DPP6: variants seen among roughly 807,000 people sequenced by gnomAD.
DPP6 encodes the protein A-type potassium channel modulatory protein DPP6.
Under a neutral mutation model 122.6 loss-of-function variants are expected in DPP6, and 69 were observed. The ratio of observed to expected loss-of-function variants is 0.56; its 90% confidence interval spans 0.46 to 0.69. The LOEUF is 0.69. Ranked by LOEUF, DPP6 falls within the 30% of genes least tolerant of loss-of-function variation. The pLI, the probability that DPP6 is intolerant of heterozygous loss-of-function variation, is 0.00. For synonymous variants in DPP6, 418 were observed against 433.1 expected, an observed-to-expected ratio of 0.97 and a Z score of 0.43; for missense variants, 928 against 1,116.9, an observed-to-expected ratio of 0.83 and a Z score of 2.41.
At chr7:154,059,029 G>T (rs7793756) in intron 1 of DPP6, 63,555 of 128,516 alleles carry the variant, frequency 0.49, 13,159 homozygotes, top group South Asian at 0.6. Flanking sequence ...CCATCGCAGA[G>T]GGGGGAGGGA....
intron 5 of DPP6, among the ~76,000 whole-genome samples, chr7:154,577,012 A>G (rs1429050752): frequency 2.0e-5 from 3 of 152,140 alleles, no homozygotes; most frequent in Non-Finnish European, 4.4e-5. Flanking sequence ...GAGTGGGGAT[A>G]TCAGAAGGTA....
At chr7:154,023,270 A>G (rs1798791218) in intron 1 of DPP6, among the ~76,000 whole-genome samples, 1 of 148,288 alleles carries the variant, frequency 6.7e-6, no homozygotes, top group Non-Finnish European at 1.5e-5. Context: ...AACCTAATGC[A>G]AGGTGAATAA....
intron 8 of DPP6, among the ~76,000 whole-genome samples, chr7:154,728,606 G>A (rs1194125132): frequency 1.3e-5 from 2 of 152,162 alleles, no homozygotes; most frequent in African/African-American, 2.4e-5. Flanking sequence ...TCCACCCTCT[G>A]TCTTAGTTTG....
chr7:154,572,216 T>G (rs1335940597), intron 5 of DPP6, among the ~76,000 whole-genome samples: 1 of 152,212 alleles, frequency 6.6e-6, no homozygotes, highest in African/African-American at 2.4e-5. Flanking sequence ...TCTAAGGGAC[T>G]GTGAAATTTA....
chr7:154,306,675 C>G (rs1014879246), intron 1 of DPP6, among the ~76,000 whole-genome samples: 8 of 152,094 alleles, frequency 5.3e-5, no homozygotes, highest in Non-Finnish European at 1.0e-4. Context: ...GCCCATTTAT[C>G]GATAAAAGGG....
intron 1 of DPP6, chr7:154,058,240 G>A (rs1361934691): frequency 6.7e-6 from 1 of 148,900 alleles, no homozygotes; most frequent in Non-Finnish European, 1.5e-5. Flanking sequence ...CCATCGCAGG[G>A]GGGGAGGCAC....
rs184864056 is a variant in DPP6, at chr7:154,878,463, C to T, written c.2078+2363C>T. On this transcript the variant is annotated intron_variant, in intron 20 of 25. Coordinates refer to ENST00000377770, the MANE Select transcript of DPP6 (RefSeq NM_130797.4). ...ACAGACTTTCTTAGGAAGCTGATGC[C>T]CAATGGCGCCAAGCCATAGAAAGCC... Among the ~76,000 whole-genome samples, 135 of 152,346 alleles carry T rather than the reference C, an allele frequency of 8.9e-4. 1 individual carries two copies. The highest frequency in any genetic ancestry group is 3.2e-3 in the African/African-American group (133 of 41,578).
At chr7:153,828,232 T>C in the DPP6 span, among the ~76,000 whole-genome samples, 1 of 152,142 alleles carries the variant, frequency 6.6e-6, no homozygotes, top group Non-Finnish European at 1.5e-5. Flanking sequence ...AAGTAATATC[T>C]TGGGTACCCA....
chr7:153,975,257 T>A (rs1382979584), intron 1 of DPP6, among the ~76,000 whole-genome samples: 3 of 151,418 alleles, frequency 2.0e-5, no homozygotes, highest in Middle Eastern at 3.2e-3. Context: ...AAAAAAATTA[T>A]TTCACTTATG....
At chr7:153,783,659 T>G in the DPP6 span, among the ~76,000 whole-genome samples, 1 of 152,208 alleles carries the variant, frequency 6.6e-6, no homozygotes, top group African/African-American at 2.4e-5. Context: ...CCAAACCCTT[T>G]TAAAATGACA....
At chr7:154,771,410 A>G (rs554679393) in intron 9 of DPP6, among the ~76,000 whole-genome samples, 3 of 152,326 alleles carry the variant, frequency 2.0e-5, no homozygotes, top group Non-Finnish European at 2.9e-5. Flanking sequence ...ATGTCTTCAC[A>G]TGAAGGGGCA....
intron 5 of DPP6, among the ~76,000 whole-genome samples, chr7:154,620,243 G>C (rs1321160583): frequency 4.6e-5 from 7 of 152,214 alleles, no homozygotes; most frequent in Non-Finnish European, 1.0e-4. Context: ...AATATGGAAA[G>C]ATTCTTTCTT....
chr7:154,877,886 G>A lies in DPP6; in HGVS notation c.2078+1786G>A, dbSNP rs1482121740. ...CAAGGGAATGCTGGGGTTCAGTGTG[G>A]AAGGAGGATGGGTGGGTGGCTGCTG... On this transcript the variant is annotated intron_variant, in intron 20 of 25. Transcript: ENST00000377770. The surrounding 1 kb of genome is among the most constrained non-coding windows in gnomAD (Gnocchi z 5.2). Among the ~76,000 whole-genome samples, 1 of 152,150 alleles carries A rather than the reference G, an allele frequency of 6.6e-6. No individual in the cohort carries two copies. The highest frequency in any genetic ancestry group is 2.4e-5 in the African/African-American group (1 of 41,440).
At chr7:153,770,835 A>G in the DPP6 span, among the ~76,000 whole-genome samples, 1 of 152,230 alleles carries the variant, frequency 6.6e-6, no homozygotes, top group Non-Finnish European at 1.5e-5. Context: ...TGTGGATAAA[A>G]TACACTTTTG....
At chr7:154,036,020 TTGTG>T (rs1162400104) in intron 1 of DPP6, among the ~76,000 whole-genome samples, 130 of 54,562 alleles carry the variant, frequency 2.4e-3, no homozygotes, top group Middle Eastern at 8.8e-3. Flanking sequence ...GCGCGCGCGC[TTGTG>T]TGTGTGTGTG....
intron 1 of DPP6, among the ~76,000 whole-genome samples, chr7:154,130,313 G>GA (rs1795203444): frequency 3.3e-5 from 5 of 152,118 alleles, no homozygotes; most frequent in Admixed American, 3.3e-4. Context: ...ATGGGACTTT[G>GA]AAAAAAACAG....
chr7:153,944,157 C>T (rs1464846179), intron 1 of DPP6, among the ~76,000 whole-genome samples: 7 of 152,316 alleles, frequency 4.6e-5, no homozygotes, highest in African/African-American at 9.6e-5. Context: ...CTCGTTAGCA[C>T]GCTCCTTCCA....
rs923623868 is a variant in DPP6, at chr7:154,892,723, C to T, written c.*243C>T. On this transcript the variant is annotated 3_prime_UTR_variant, in exon 26 of 26. Transcript: ENST00000377770. ...TCCCCGCAGCAGCGCCTCCTCCCGG[C>T]GCCCGAGAGACCGGCACGCCACGGC... The T allele has an allele frequency of 6.0e-6, 5 of 826,954 alleles. No homozygotes were observed. Among genetic ancestry groups the T allele is most frequent in the Non-Finnish European group, 8.1e-6 (4 of 495,882 alleles). The allele number at this position is 826,954 out of a possible 1,614,324, so 51.2% of individuals were successfully genotyped here. A position where few individuals can be genotyped will look rare whatever the true frequency, so the allele number is the denominator to read the frequency against.
Position 154,483,748 on chromosome 7 carries a change from G to A in DPP6, c.457+8711G>A, listed in dbSNP as rs1446476445. On this transcript the variant is annotated intron_variant, in intron 3 of 25. Transcript: ENST00000377770. The surrounding 1 kb of genome is among the most constrained non-coding windows in gnomAD (Gnocchi z 8.1). ...CTCGCTCTGTCGCCCAGGCTGGAGT[G>A]CAGTGGCACAATCTTGGCTCACTGC... 2.0e-5 allele frequency among the ~76,000 whole-genome samples: 3 copies of A among 152,226 alleles called. No individual in the cohort carries two copies. Among genetic ancestry groups the A allele is most frequent in the Admixed American group, 1.3e-4 (2 of 15,286 alleles).
Sources: allele counts gnomAD v4.1 joint callset (sites outside exome capture counted in the v4.1 genomes callset), GRCh38; gene constraint gnomAD v4.1.1; non-coding constraint Gnocchi (gnomAD v3.1); transcripts MANE v1.5; gene names NCBI Gene and HGNC (gene_info 2026-07-23, HGNC 2026-07-21).